Variants in SLC14A2 observed in about 807,000 individuals in gnomAD.
SLC14A2 encodes the protein urea transporter 2.
SLC14A2 carries 91 observed loss-of-function variants against 104.6 expected under a neutral mutation model. The ratio of observed to expected loss-of-function variants is 0.87; its 90% CI spans 0.73 to 1.04. SLC14A2 has a LOEUF of 1.04. Ranked by LOEUF, SLC14A2 falls within the 50% of genes least tolerant of loss-of-function variation. The probability of loss-of-function intolerance (pLI) is 0.00; values close to 1 mark genes in which losing one functional copy is unlikely to be tolerated. For synonymous variants in SLC14A2, 476 were observed against 466.4 expected (o/e 1.02, Z -0.27); for missense variants, 1,189 against 1,156.0 (o/e 1.03, Z -0.41).
intron 1 of SLC14A2, among the ~76,000 whole-genome samples, chr18:45,307,429 AAAAAAACC>A (rs566358719): frequency 0.13 from 18,136 of 142,012 alleles, 1,078 homozygotes; most frequent in African/African-American, 0.15. Flanking sequence ...AAAAAAAAAA[AAAAAAACC>A]AAAAAACCAA....
intron 18 of SLC14A2, among the ~76,000 whole-genome samples, chr18:45,677,671 A>G (rs975619532): frequency 1.3e-5 from 2 of 152,226 alleles, no homozygotes; most frequent in African/African-American, 4.8e-5. Context: ...ATGTTAATTA[A>G]TGAGGATTCA....
chr18:45,536,578 A>G (rs1162653416), intron 2 of SLC14A2, among the ~76,000 whole-genome samples: 1 of 152,180 alleles, frequency 6.6e-6, no homozygotes, highest in Non-Finnish European at 1.5e-5. Context: ...ATGTCAGATT[A>G]AGAGCCGCTC....
intron 1 of SLC14A2, among the ~76,000 whole-genome samples, chr18:45,312,950 C>T (rs571685340): frequency 1.3e-5 from 2 of 152,260 alleles, no homozygotes; most frequent in African/African-American, 2.4e-5. Flanking sequence ...CGGTTGGCCT[C>T]GTCAGTGATG....
intron 1 of SLC14A2, among the ~76,000 whole-genome samples, chr18:45,294,049 A>T (rs1358924573): frequency 1.3e-5 from 2 of 152,226 alleles, no homozygotes; most frequent in Non-Finnish European, 2.9e-5. Flanking sequence ...TTTGGGGAAA[A>T]ATAGATACTG....
At chr18:45,543,261 T>C (rs1444968893) in intron 2 of SLC14A2, among the ~76,000 whole-genome samples, 3 of 152,216 alleles carry the variant, frequency 2.0e-5, no homozygotes, top group Admixed American at 1.3e-4. Flanking sequence ...GTCTTTAAAT[T>C]GACTCACATT....
intron 2 of SLC14A2, among the ~76,000 whole-genome samples, chr18:45,488,850 CG>C (rs878983647): frequency 6.6e-6 from 1 of 152,220 alleles, no homozygotes; most frequent in Admixed American, 6.5e-5. Context: ...TTAGTCCCCA[CG>C]TTCTCACTCC....
intron 1 of SLC14A2, among the ~76,000 whole-genome samples, chr18:45,314,490 G>T (rs2085109279): frequency 6.6e-6 from 1 of 152,192 alleles, no homozygotes; most frequent in Non-Finnish European, 1.5e-5. Context: ...TTTCTATACT[G>T]CAGATTAGGA....
intron 1 of SLC14A2, among the ~76,000 whole-genome samples, chr18:45,230,686 T>G (rs1025376794): frequency 1.3e-5 from 2 of 152,228 alleles, no homozygotes; most frequent in African/African-American, 4.8e-5. Flanking sequence ...TTATTCTGCC[T>G]ACCACAAGGT....
chr18:45,634,305 C>A (rs1028206498), intron 5 of SLC14A2, among the ~76,000 whole-genome samples: 4 of 152,142 alleles, frequency 2.6e-5, no homozygotes, highest in Non-Finnish European at 1.5e-5. Context: ...TATTTGTAAA[C>A]AAGGAAAAGT....
intron 1 of SLC14A2, among the ~76,000 whole-genome samples, chr18:45,262,482 T>C (rs1196653511): frequency 6.6e-6 from 1 of 152,188 alleles, no homozygotes; most frequent in African/African-American, 2.4e-5. Flanking sequence ...CGGACTCTCA[T>C]TGTGTGCTTT....
rs1158446440 is a variant in SLC14A2, at chr18:45,424,888, C to T, written c.-124-58345C>T. 4.6e-5 allele frequency among the ~76,000 whole-genome samples: 7 copies of T among 152,212 alleles called. No homozygotes were observed. The East Asian group carries it at 9.6e-4, about 21-fold the overall frequency. On this transcript the variant is annotated intron_variant, in intron 1 of 20. Transcript: ENST00000586448. The stretch of plus-strand genomic sequence containing the variant: ...GTAAAGTATATTTAAAAACCATTAC[C>T]TCATTTTTATCCTGCTGAAGGCCTG...
intron 1 of SLC14A2, among the ~76,000 whole-genome samples, chr18:45,441,564 C>G (rs1006539624): frequency 7.2e-5 from 11 of 152,192 alleles, no homozygotes; most frequent in Non-Finnish European, 1.3e-4. Context: ...GTCTGTTTGG[C>G]TTCAGTGAGA....
chr18:45,173,344 C>T, the SLC14A2 span, among the ~76,000 whole-genome samples: 1 of 152,024 alleles, frequency 6.6e-6, no homozygotes, highest in African/African-American at 2.4e-5. Flanking sequence ...TATAGGATGC[C>T]TAATCATAGT....
chr18:45,652,428 AC>A (rs2045756703), intron 10 of SLC14A2, among the ~76,000 whole-genome samples: 2 of 152,138 alleles, frequency 1.3e-5, no homozygotes, highest in South Asian at 4.1e-4. Context: ...GGACCTCCCA[AC>A]CCCCTTCTAC....
chr18:45,536,633 AC>A (rs1037040173), intron 2 of SLC14A2, among the ~76,000 whole-genome samples: 17 of 152,328 alleles, frequency 1.1e-4, no homozygotes, highest in African/African-American at 4.1e-4. Flanking sequence ...GACGTCCACA[AC>A]AATCCATTGC....
At chr18:45,341,253 AAC>A (rs1291402431) in intron 1 of SLC14A2, among the ~76,000 whole-genome samples, 1 of 151,916 alleles carries the variant, frequency 6.6e-6, no homozygotes, top group Non-Finnish European at 1.5e-5. Flanking sequence ...AAAATTAACA[AAC>A]AACCCTCAAA....
intron 2 of SLC14A2, among the ~76,000 whole-genome samples, chr18:45,544,662 T>C (rs2043941800): frequency 6.6e-6 from 1 of 152,074 alleles, no homozygotes; most frequent in African/African-American, 2.4e-5. Flanking sequence ...ATCCTTTTAG[T>C]CATCTTGGTA....
chr18:45,554,637 C>A (rs1319406360), intron 2 of SLC14A2, among the ~76,000 whole-genome samples: 2 of 151,942 alleles, frequency 1.3e-5, no homozygotes, highest in African/African-American at 4.8e-5. Flanking sequence ...AAGAATGGAA[C>A]CTTGTGCTGG....
intron 1 of SLC14A2, among the ~76,000 whole-genome samples, chr18:45,390,660 G>A (rs9961688): frequency 0.13 from 20,173 of 152,050 alleles, 2,847 homozygotes; most frequent in African/African-American, 0.36. Context: ...GGGTGAATAC[G>A]GAAGGGGTAC....
Sources: gnomAD v4.1 joint callset for allele counts (sites outside exome capture counted in the v4.1 genomes callset) on GRCh38, gnomAD v4.1.1 for gene constraint, MANE v1.5 for transcripts, NCBI Gene and HGNC (gene_info 2026-07-23, HGNC 2026-07-21) for gene names.